CACNB2: variants seen among roughly 807,000 people sequenced by gnomAD.
The protein encoded by CACNB2 is voltage-dependent L-type calcium channel subunit beta-2.
A neutral mutation model predicts 73.3 loss-of-function variants in CACNB2; 42 were observed. The ratio of observed to expected loss-of-function variants is 0.57; its 90% CI spans 0.45 to 0.74. The LOEUF (loss-of-function observed/expected upper bound fraction) is 0.74. Among genes scored for constraint, CACNB2 ranks in the 30% least tolerant of loss-of-function variants. The probability of loss-of-function intolerance (pLI) is 0.00; values close to 1 mark genes in which losing one functional copy is unlikely to be tolerated. For synonymous variants in CACNB2, 348 were observed against 310.3 expected (o/e 1.12, Z -1.28); for missense variants, 940 against 853.0 (o/e 1.10, Z -1.27).
chr10:18,472,484 G>A (rs1453068074), intron 3 of CACNB2, among the ~76,000 whole-genome samples: 5 of 151,960 alleles, frequency 3.3e-5, no homozygotes, highest in Non-Finnish European at 5.9e-5. Flanking sequence ...TGATCCGCCC[G>A]CCTTGGCCTC....
At chr10:18,412,562 C>T (rs1022066473) in intron 3 of CACNB2, among the ~76,000 whole-genome samples, 1 of 152,208 alleles carries the variant, frequency 6.6e-6, no homozygotes, top group African/African-American at 2.4e-5. Flanking sequence ...AATCACAAAG[C>T]CACTGACCTT....
At chr10:18,304,646 A>C (rs1403315605) in intron 2 of CACNB2, among the ~76,000 whole-genome samples, 2 of 152,070 alleles carry the variant, frequency 1.3e-5, no homozygotes, top group African/African-American at 4.8e-5. Context: ...AGCGAACACA[A>C]CCTTGACTTT....
chr10:18,258,049 A>C (rs1214347120), intron 2 of CACNB2, among the ~76,000 whole-genome samples: 3 of 152,102 alleles, frequency 2.0e-5, no homozygotes, highest in Admixed American at 6.6e-5. Context: ...CAGCCTCCTC[A>C]GTTCTTATAC....
intron 3 of CACNB2, among the ~76,000 whole-genome samples, chr10:18,465,972 C>T (rs1341671053): frequency 2.0e-5 from 3 of 152,080 alleles, no homozygotes; most frequent in Non-Finnish European, 2.9e-5. Context: ...TGGGCCACTG[C>T]GCCCGGCCCC....
At chr10:18,202,819 T>C (rs73595518) in intron 2 of CACNB2, among the ~76,000 whole-genome samples, 5,291 of 152,318 alleles carry the variant, frequency 0.035, 301 homozygotes, top group African/African-American at 0.12. Context: ...TTTCTGTCTT[T>C]GTTTCAGGAA....
Position 18,538,352 on chromosome 10 carries a change from C to G in CACNB2, c.1475C>G (p.Ala492Gly). 6.2e-7 allele frequency: 1 copy of G among 1,611,324 alleles called. No homozygotes were observed. The highest frequency in any genetic ancestry group is 8.5e-7 in the Non-Finnish European group (1 of 1,177,368). Residue 492 changes from alanine (A) to glycine (G), a missense_variant, in exon 13 of 14, where the codon GCC (alanine) becomes GGC (glycine). Coordinates refer to ENST00000324631, the MANE Select transcript of CACNB2 (RefSeq NM_201596.3). ...TSSLPLSPTL[A>G]SNSQGSQGDQ... ...AGTCTGCCTCTTAGCCCCACCCTAG[C>G]CTCTAATTCACAGGTAAGGGGAGTT... is the stretch of plus-strand genomic sequence containing the variant.
chr10:18,322,952 T>G (rs2478058), intron 2 of CACNB2, among the ~76,000 whole-genome samples: 1 of 148,052 alleles, frequency 6.8e-6, no homozygotes, highest in Non-Finnish European at 1.5e-5. Context: ...ACTTTTATGG[T>G]GATATTCTTT....
chr10:18,319,259 A>G (rs1440040311), intron 2 of CACNB2, among the ~76,000 whole-genome samples: 3 of 152,218 alleles, frequency 2.0e-5, no homozygotes, highest in African/African-American at 7.2e-5. Context: ...GTGGAATACT[A>G]TGCAGCCATA....
intron 2 of CACNB2, among the ~76,000 whole-genome samples, chr10:18,303,960 T>TA (rs1233942023): frequency 3.3e-5 from 5 of 152,166 alleles, no homozygotes; most frequent in Non-Finnish European, 7.3e-5. Flanking sequence ...TATTTTTTAT[T>TA]AGTATTGCTT....
chr10:18,497,425 T>C (rs1425879992), intron 3 of CACNB2, among the ~76,000 whole-genome samples: 1 of 152,060 alleles, frequency 6.6e-6, no homozygotes, highest in East Asian at 1.9e-4. Context: ...TGATTTGTTT[T>C]TTTCTTTTTT....
At chr10:18,527,950 T>C (rs1417284081) in intron 10 of CACNB2, among the ~76,000 whole-genome samples, 2 of 152,222 alleles carry the variant, frequency 1.3e-5, no homozygotes, top group African/African-American at 4.8e-5. Context: ...AACATGAGCT[T>C]TGGTGTCTGC....
intron 2 of CACNB2, among the ~76,000 whole-genome samples, chr10:18,393,512 T>TA (rs1176018930): frequency 3.3e-5 from 5 of 152,186 alleles, no homozygotes; most frequent in Non-Finnish European, 7.4e-5. Context: ...GTTCGTTTTT[T>TA]AAAAAAATGA....
chr10:18,499,519 G>T (rs2050053582), intron 4 of CACNB2, among the ~76,000 whole-genome samples: 1 of 150,760 alleles, frequency 6.6e-6, no homozygotes, highest in East Asian at 2.0e-4. Flanking sequence ...AGAGGCTGAG[G>T]CAGAAGAATA....
Position 18,347,344 on chromosome 10 carries a change from ATTTTTTTTTT to A in CACNB2, c.214-54560_214-54551del, listed in dbSNP as rs201654242. Among the ~76,000 whole-genome samples the A allele has an allele frequency of 3.9e-3, 474 of 120,800 alleles. 1 individual carries two copies. The highest frequency in any genetic ancestry group is 0.013 in the African/African-American group (409 of 32,354). 79.2% of individuals were successfully genotyped at this position (120,800 alleles called of 152,430 possible). A position where few individuals can be genotyped will look rare whatever the true frequency, so the allele number is the denominator to read the frequency against. On this transcript the variant is annotated intron_variant, in intron 2 of 13. Transcript: ENST00000324631. Reference sequence around the variant, plus strand: ...AGGCGCATGCCGCCATGCCCGTCTAATTTTTTTTTTTTTTTTTTTTTTTTTTTTTGTATTT... The same window carrying A: ...AGGCGCATGCCGCCATGCCCGTCTAATTTTTTTTTTTTTTTTTTTGTATTT...
intron 2 of CACNB2, among the ~76,000 whole-genome samples, chr10:18,177,548 C>T (rs1461236012): frequency 1.3e-5 from 2 of 150,486 alleles, no homozygotes; most frequent in African/African-American, 2.4e-5. Context: ...CACGGCACTC[C>T]AGCCTGGAAG....
At chr10:18,172,688 G>T (rs2033326277) in intron 2 of CACNB2, among the ~76,000 whole-genome samples, 1 of 152,022 alleles carries the variant, frequency 6.6e-6, no homozygotes, top group Non-Finnish European at 1.5e-5. Context: ...ACTGCGAAAA[G>T]CCTACACCTA....
chr10:18,375,411 G>C (rs1044603720), intron 2 of CACNB2, among the ~76,000 whole-genome samples: 2 of 152,162 alleles, frequency 1.3e-5, no homozygotes, highest in Non-Finnish European at 2.9e-5. Context: ...AGTCTTCTGA[G>C]AGGTAGTATT....
rs915289671 is a variant in CACNB2 at position 18,141,746 on chromosome 10, G to C, written c.120+890G>C. Among the ~76,000 whole-genome samples, 12 of 152,196 alleles carry C rather than the reference G, an allele frequency of 7.9e-5. No homozygotes were observed. The South Asian group carries it at 1.9e-3, about 24-fold the overall frequency. ...CTCCAGGTCTCAGCGATGAGGAGTC[G>C]CTCAACTTTTCTCCCGGCAGGGAAA... On this transcript the variant is annotated intron_variant, in intron 1 of 13. Transcript: ENST00000324631.
intron 2 of CACNB2, among the ~76,000 whole-genome samples, chr10:18,326,271 C>A (rs1054431418): frequency 1.3e-5 from 2 of 152,100 alleles, no homozygotes; most frequent in African/African-American, 4.8e-5. Context: ...AATTGGAATT[C>A]CAAAATGAAT....
Sources: gnomAD v4.1 joint callset for allele counts (sites outside exome capture counted in the v4.1 genomes callset) on GRCh38, gnomAD v4.1.1 for gene constraint, MANE v1.5 for transcripts, NCBI Gene and HGNC (gene_info 2026-07-23, HGNC 2026-07-21) for gene names.